The following CTNNA3 variants were observed in gnomAD, a reference collection of about 807,000 sequenced individuals.
The protein encoded by CTNNA3 is catenin alpha-3.
CTNNA3 carries 76 observed loss-of-function variants against 95.7 expected under a neutral mutation model. The ratio of observed to expected loss-of-function variants is 0.79; its 90% CI spans 0.66 to 0.96. The LOEUF (loss-of-function observed/expected upper bound fraction) is 0.96, where lower values mean the gene tolerates loss of function less well. Among genes scored for constraint, CTNNA3 ranks in the 40% least tolerant of loss-of-function variants. The pLI, the probability that CTNNA3 is intolerant of heterozygous loss-of-function variation, is 0.00. For synonymous variants in CTNNA3, 431 were observed against 374.4 expected, an observed-to-expected ratio of 1.15 and a Z score of -1.74; for missense variants, 1,191 against 1,089.8, an observed-to-expected ratio of 1.09 and a Z score of -1.31.
chr10:67,042,558 T>TA (rs1202689101), intron 7 of CTNNA3, among the ~76,000 whole-genome samples: 3 of 151,572 alleles, frequency 2.0e-5, no homozygotes, highest in African/African-American at 7.3e-5. Context: ...GGCAAGAACA[T>TA]ATAAGGTAAG....
chr10:67,305,899 T>G (rs893423443), intron 5 of CTNNA3, among the ~76,000 whole-genome samples: 2 of 152,124 alleles, frequency 1.3e-5, no homozygotes, highest in Admixed American at 1.3e-4. Flanking sequence ...AGAAAAACTA[T>G]TATGGCATTT....
chr10:67,054,059 A>G (rs1294093790), intron 7 of CTNNA3, among the ~76,000 whole-genome samples: 1 of 152,170 alleles, frequency 6.6e-6, no homozygotes, highest in Admixed American at 6.5e-5. Flanking sequence ...TTTGCAGATT[A>G]CAGACACTTA....
At chr10:67,561,957 A>C (rs982084299) in intron 3 of CTNNA3, among the ~76,000 whole-genome samples, 1 of 152,218 alleles carries the variant, frequency 6.6e-6, no homozygotes, top group African/African-American at 2.4e-5. Flanking sequence ...TGAATCTCTG[A>C]ATAGACCAAC....
intron 12 of CTNNA3, among the ~76,000 whole-genome samples, chr10:66,328,431 T>G (rs1401146308): frequency 1.3e-5 from 2 of 152,012 alleles, no homozygotes; most frequent in Non-Finnish European, 2.9e-5. Flanking sequence ...AGCTGTGATG[T>G]TATTGTGCTC....
chr10:67,510,036 G>A (rs9702514), intron 5 of CTNNA3, among the ~76,000 whole-genome samples: 27,732 of 151,934 alleles, frequency 0.18, 3,612 homozygotes, highest in East Asian at 0.67. Context: ...TTTTCATGGG[G>A]TTGCTTTTTC....
intron 16 of CTNNA3, among the ~76,000 whole-genome samples, chr10:65,988,439 T>C (rs951894841): frequency 6.6e-6 from 1 of 152,278 alleles, no homozygotes; most frequent in East Asian, 1.9e-4. Context: ...TAATTGAGTA[T>C]ATTTGATGCT....
At chr10:65,945,156 G>GTATATA (rs1165238481) in intron 17 of CTNNA3, among the ~76,000 whole-genome samples, 1 of 144,546 alleles carries the variant, frequency 6.9e-6, no homozygotes, top group African/African-American at 2.8e-5. Context: ...GTGTGTGTGT[G>GTATATA]TGTGTATATA....
intron 1 of CTNNA3, among the ~76,000 whole-genome samples, chr10:67,690,972 G>A (rs900202754): frequency 9.2e-5 from 14 of 152,228 alleles, no homozygotes; most frequent in Non-Finnish European, 2.1e-4. Flanking sequence ...CTGCCATCTC[G>A]GCTCACTGCA....
intron 13 of CTNNA3, among the ~76,000 whole-genome samples, chr10:66,136,591 C>G (rs1187835814): frequency 1.3e-5 from 2 of 152,020 alleles, no homozygotes; most frequent in Non-Finnish European, 2.9e-5. Flanking sequence ...CACTTTCTGA[C>G]AATCAGTATC....
intron 2 of CTNNA3, among the ~76,000 whole-genome samples, chr10:67,632,232 T>C (rs1224100028): frequency 6.7e-6 from 1 of 150,368 alleles, no homozygotes; most frequent in Non-Finnish European, 1.5e-5. Context: ...ACACATTGCA[T>C]ACATACATCA....
At chr10:66,234,031 T>C (rs1048904154) in intron 13 of CTNNA3, among the ~76,000 whole-genome samples, 3 of 152,144 alleles carry the variant, frequency 2.0e-5, no homozygotes, top group Admixed American at 6.6e-5. Context: ...TATATAAAAC[T>C]AAAAAATAAC....
At chr10:66,020,707 G>A (rs968012585) in intron 15 of CTNNA3, among the ~76,000 whole-genome samples, 3 of 140,190 alleles carry the variant, frequency 2.1e-5, no homozygotes, top group African/African-American at 8.1e-5. Flanking sequence ...TCACTCTGTC[G>A]TCCAGGCTGG....
chr10:67,246,818 A>G (rs534291782), intron 5 of CTNNA3, among the ~76,000 whole-genome samples: 2 of 152,268 alleles, frequency 1.3e-5, no homozygotes, highest in South Asian at 2.1e-4. Context: ...GCTCTCTTCA[A>G]TCACACCTCT....
chr10:67,172,530 T>C (rs1417560598), intron 7 of CTNNA3, among the ~76,000 whole-genome samples: 1 of 152,164 alleles, frequency 6.6e-6, no homozygotes, highest in Admixed American at 6.6e-5. Flanking sequence ...TATATACATA[T>C]GTATAATACA....
intron 7 of CTNNA3, among the ~76,000 whole-genome samples, chr10:67,090,215 C>G (rs766388560): frequency 1.3e-5 from 2 of 152,038 alleles, no homozygotes; most frequent in Admixed American, 6.6e-5. Flanking sequence ...ACTCTTCTTT[C>G]TATGCCTTGT....
At chr10:65,979,456 A>G (rs1199127540) in intron 16 of CTNNA3, among the ~76,000 whole-genome samples, 1 of 152,126 alleles carries the variant, frequency 6.6e-6, no homozygotes. Flanking sequence ...AAACAAACTC[A>G]TACAAGTGCA....
intron 7 of CTNNA3, among the ~76,000 whole-genome samples, chr10:66,943,961 G>A (rs1848153813): frequency 6.6e-6 from 1 of 152,138 alleles, no homozygotes; most frequent in Admixed American, 6.5e-5. Flanking sequence ...TGCTGGTGTA[G>A]GGTCTTTCCT....
chr10:66,493,903 CTT>C (rs1181967222), intron 11 of CTNNA3, among the ~76,000 whole-genome samples: 117 of 98,120 alleles, frequency 1.2e-3, no homozygotes, highest in African/African-American at 5.9e-3. Context: ...CTGCGCCGGC[CTT>C]TTTTTTTTTT....
At chr10:66,923,249 A>T (rs12258954) in intron 7 of CTNNA3, among the ~76,000 whole-genome samples, 13,032 of 152,284 alleles carry the variant, frequency 0.086, 673 homozygotes, top group African/African-American at 0.15. Flanking sequence ...TAAATAATTC[A>T]AGAAGATTTA....
Sources: allele counts gnomAD v4.1 joint callset (sites outside exome capture counted in the v4.1 genomes callset), GRCh38; gene constraint gnomAD v4.1.1; transcripts MANE v1.5; gene names NCBI Gene and HGNC (gene_info 2026-07-23, HGNC 2026-07-21).